The following RAB26 variants were observed in gnomAD, a reference collection of about 807,000 sequenced individuals.
The protein encoded by RAB26 is ras-related protein Rab-26.
A neutral mutation model predicts 33.1 loss-of-function variants in RAB26; 39 were observed. The ratio of observed to expected loss-of-function variants is 1.18; its 90% CI spans 0.91 to 1.54. The LOEUF is 1.54. Ranked by LOEUF, RAB26 falls within the 40% of genes most tolerant of loss-of-function variation. The pLI, the probability that RAB26 is intolerant of heterozygous loss-of-function variation, is 0.00. For missense variants in RAB26, 468 were observed against 362.9 expected (o/e 1.29, Z -2.35); for synonymous variants, 192 against 151.9 (o/e 1.26, Z -1.94).
intron 4 of RAB26, 44 bp from the exon 5 acceptor site, chr16:2,151,812 G>A (rs927957784): frequency 5.0e-6 from 8 of 1,613,800 alleles, no homozygotes; most frequent in East Asian, 2.2e-5. Flanking sequence ...GAGCACCTGA[G>A]GGTGCAGGTG....
In RAB26 at chr16:2,153,741, G is replaced by A; in HGVS notation, c.*320G>A. 1.8e-6 allele frequency: 1 copy of A among 553,596 alleles called. No individual in the cohort carries two copies. The highest frequency in any genetic ancestry group is 3.4e-6 in the Non-Finnish European group (1 of 291,020). The allele number at this position is 553,596 out of a possible 1,614,324, so 34.3% of individuals were successfully genotyped here. On this transcript the variant is annotated 3_prime_UTR_variant, in exon 9 of 9. Transcript: ENST00000210187. ...TCCAGGTGAGGGAGGGCTGGGGCTG[G>A]CACCACGCACAGTGCCTAACCCTAG...
intron 1 of RAB26, among the ~76,000 whole-genome samples, chr16:2,149,219 G>T (rs1403746040): frequency 3.9e-5 from 6 of 152,074 alleles, no homozygotes; most frequent in Non-Finnish European, 8.8e-5. Flanking sequence ...GGCACAAGGG[G>T]TCCCGCGCCC....
chr16:2,148,842 T>C lies in RAB26; in HGVS notation c.59T>C (p.Leu20Pro). The C allele has an allele frequency of 8.5e-6, 12 of 1,414,252 alleles. No individual in the cohort carries two copies. Among genetic ancestry groups the C allele is most frequent in the South Asian group, 1.5e-5 (1 of 65,216 alleles). The allele number at this position is 1,414,252 out of a possible 1,614,324, so 87.6% of individuals were successfully genotyped here. A position where few individuals can be genotyped will look rare whatever the true frequency, so the allele number is the denominator to read the frequency against. The change falls in exon 1 of 9, where the codon CTG becomes CCG. Residue 20 changes from leucine (L) to proline (P), a missense_variant. Leu to Pro is a moderately conservative substitution (Grantham distance 98). Transcript: ENST00000210187. ...KGASTPAASTLPTANGARPAR... is the reference protein window; with the variant it reads ...KGASTPAASTPPTANGARPAR... ...GCCAGCACCCCCGCTGCCTCCACGC[T>C]GCCCACCGCCAACGGGGCCCGACCG...
upstream of RAB26, chr16:2,148,565 G>T (rs1344307343): frequency 1.2e-5 from 2 of 160,366 alleles, no homozygotes; most frequent in African/African-American, 4.8e-5. Flanking sequence ...CACGGCATTG[G>T]CGGCGGCGGC....
intron 2 of RAB26, among the ~76,000 whole-genome samples, chr16:2,150,279 C>A (rs970280857): frequency 2.0e-5 from 3 of 152,190 alleles, no homozygotes; most frequent in Non-Finnish European, 4.4e-5. Flanking sequence ...TTGGGGGAGG[C>A]GGACACTGTT....
chr16:2,148,648 A>AAGC lies in RAB26; in HGVS notation c.-136_-135insAGC, dbSNP rs1567238479. The AAGC allele has an allele frequency of 4.7e-5, 12 of 254,858 alleles. No individual in the cohort carries two copies. The highest frequency in any genetic ancestry group is 3.5e-4 in the African/African-American group (12 of 34,344). 15.8% of individuals were successfully genotyped at this position (254,858 alleles called of 1,614,324 possible). On this transcript the variant is annotated 5_prime_UTR_variant, in exon 1 of 9. The change abolishes an upstream ATG in the 5' untranslated region. Transcript: ENST00000210187. ...GGGCGCGAGCCGGGCGCCCGGGATG[A>AAGC]TGCCGCCGCCGCCGCCGCCGCCGCC... is the stretch of plus-strand genomic sequence containing the variant.
chr16:2,152,775 G>C, intron 5 of RAB26, 45 bp from the exon 6 acceptor site: 1 of 1,572,816 alleles, frequency 6.4e-7, no homozygotes, highest in Non-Finnish European at 8.6e-7. Context: ...GGGGCATGGG[G>C]CAAGCCATGC....
Position 2,153,346 on chromosome 16 carries a change from T to TCCCAGCGAG in RAB26, c.699_707dup (p.Ser234_Pro236dup), listed in dbSNP as rs2093013274. On this transcript the variant is annotated inframe_insertion, in exon 9 of 9. Transcript: ENST00000210187. ...AGTTGAAGCAGCGCTCCATGAAGGC[T>TCCCAGCGAG]CCCAGCGAGCCGCGCTTCCGGCTGC... is the stretch of plus-strand genomic sequence containing the variant. The TCCCAGCGAG allele has an allele frequency of 6.2e-7, 1 of 1,613,252 alleles. No individual in the cohort carries two copies. Among genetic ancestry groups the TCCCAGCGAG allele is most frequent in the Non-Finnish European group, 8.5e-7 (1 of 1,179,974 alleles).
In RAB26 at chr16:2,153,185, G is replaced by T; in HGVS notation, c.631G>T (p.Gly211Cys). ...CTTCATGGAGACCAGCGCCAAGACG[G>T]GCCTCAACGTGGACTTGGCCTTCAC... ...LPFMETSAKT[G>C]LNVDLAFTAI... The change falls in exon 8 of 9, where the codon GGC becomes TGC. Residue 211 changes from glycine to cysteine, a missense_variant. By Grantham distance (159) the Gly-to-Cys change is radical (BLOSUM62 -3). Coordinates refer to ENST00000210187, the MANE Select transcript of RAB26 (RefSeq NM_014353.5). 1 of 1,613,842 alleles carries T rather than the reference G, an allele frequency of 6.2e-7. No individual in the cohort carries two copies. Among genetic ancestry groups the T allele is most frequent in the Non-Finnish European group, 8.5e-7 (1 of 1,180,018 alleles).
chr16:2,148,517 C>G (rs1362472634), upstream of RAB26: 1 of 153,412 alleles, frequency 6.5e-6, no homozygotes, highest in East Asian at 1.9e-4. Flanking sequence ...CCCCACCCCC[C>G]GCCGAGCGGG....
chr16:2,153,862 AT>A lies in RAB26; in HGVS notation c.*442del. On this transcript the variant is annotated 3_prime_UTR_variant, in exon 9 of 9. Transcript: ENST00000210187. Reference sequence around the variant, plus strand: ...GGCTTCACTGCTAATCACATCGTGCATCTGTGTGTCCTGGGAGCTGCCTGCT... The same window carrying A: ...GGCTTCACTGCTAATCACATCGTGCACTGTGTGTCCTGGGAGCTGCCTGCT... The A allele has an allele frequency of 2.2e-6, 1 of 458,394 alleles. No individual in the cohort carries two copies. The highest frequency in any genetic ancestry group is 4.4e-6 in the Non-Finnish European group (1 of 228,440). The allele number at this position is 458,394 out of a possible 1,614,324, so 28.4% of individuals were successfully genotyped here. A position where few individuals can be genotyped will look rare whatever the true frequency, so the allele number is the denominator to read the frequency against.
In RAB26 at chr16:2,148,859, G is replaced by A; in HGVS notation, c.76G>A (p.Ala26Thr). The change falls in exon 1 of 9, where the codon GCC becomes ACC. Residue 26 changes from alanine to threonine, a missense_variant. By Grantham distance (58) the Ala-to-Thr change is moderately conservative. Coordinates refer to ENST00000210187, the MANE Select transcript of RAB26 (RefSeq NM_014353.5). ...CTCCACGCTGCCCACCGCCAACGGG[G>A]CCCGACCGGCGCGCTCCGGGACTGC... ...AASTLPTANG[A>T]RPARSGTALS... is the part of the protein sequence containing the mutation. The A allele has an allele frequency of 7.1e-7, 1 of 1,406,886 alleles. No homozygotes were observed. Among genetic ancestry groups the A allele is most frequent in the Non-Finnish European group, 9.3e-7 (1 of 1,078,450 alleles). The allele number at this position is 1,406,886 out of a possible 1,614,324, so 87.2% of individuals were successfully genotyped here. A position where few individuals can be genotyped will look rare whatever the true frequency, so the allele number is the denominator to read the frequency against.
Position 2,153,805 on chromosome 16 carries a change from A to G in RAB26, c.*384A>G, listed in dbSNP as rs1319058758. The G allele has an allele frequency of 4.3e-6, 2 of 469,972 alleles. No homozygotes were observed. Among genetic ancestry groups the G allele is most frequent in the African/African-American group, 3.9e-5 (2 of 50,838 alleles). The allele number at this position is 469,972 out of a possible 1,614,324, so 29.1% of individuals were successfully genotyped here. A position where few individuals can be genotyped will look rare whatever the true frequency, so the allele number is the denominator to read the frequency against. On this transcript the variant is annotated 3_prime_UTR_variant, in exon 9 of 9. Transcript: ENST00000210187. Reference sequence around the variant, plus strand: ...TCAGCCGCACATGCTCAGGCAGCTAAGGGAGGACGCCTGCCCACGCCTGGG... The same window carrying G: ...TCAGCCGCACATGCTCAGGCAGCTAGGGGAGGACGCCTGCCCACGCCTGGG...
intron 5 of RAB26, among the ~76,000 whole-genome samples, 166 bp from the exon 6 acceptor site, chr16:2,152,654 T>C (rs1036593547): frequency 3.6e-5 from 5 of 140,794 alleles, no homozygotes; most frequent in African/African-American, 1.1e-4. Flanking sequence ...GATGGAGCCA[T>C]TGCACTCCAG....
In RAB26 at chr16:2,151,862, T is replaced by A. The variant is rs2093006146; in HGVS notation, c.422T>A (p.Leu141Gln). 1 of 1,614,040 alleles carries A rather than the reference T, an allele frequency of 6.2e-7. No homozygotes were observed. The highest frequency in any genetic ancestry group is 1.3e-5 in the African/African-American group (1 of 74,950). Residue 141 changes from leucine (L) to glutamine (Q), a missense_variant, in exon 5 of 9, where the codon CTG becomes CAG. Physicochemically the swap from Leu to Gln is moderately radical, Grantham distance 113. Coordinates refer to ENST00000210187, the MANE Select transcript of RAB26 (RefSeq NM_014353.5). ...CACTGCCCTCTGTCCCCAGCTCTGC[T>A]GCTGCTCTACGATGTCACCAACAAG... ...HAYYRDAHALLLLYDVTNKAS... is the reference protein window; with the variant it reads ...HAYYRDAHALQLLYDVTNKAS...
chr16:2,149,538 G>A (rs1019302619), intron 1 of RAB26, among the ~76,000 whole-genome samples: 7 of 152,024 alleles, frequency 4.6e-5, no homozygotes, highest in African/African-American at 1.4e-4. Context: ...ATCCTAATGG[G>A]GCAAATTCCT....
In RAB26 at chr16:2,152,831, C is replaced by A. The variant is rs556712776; in HGVS notation, c.480C>A (p.Thr160=). Residue 160 remains threonine, a synonymous_variant, in exon 6 of 9, where the codon ACC becomes ACA. Coordinates refer to ENST00000210187, the MANE Select transcript of RAB26 (RefSeq NM_014353.5). ...ASFDNIQAWL[T]EIHEYAQHDV... is the part of the protein sequence containing the mutation. ...GCTGCCTCCCACAGGCCTGGCTGACCGAGATCCACGAGTACGCCCAGCACG... is the reference window on the plus strand; with the variant it reads ...GCTGCCTCCCACAGGCCTGGCTGACAGAGATCCACGAGTACGCCCAGCACG... 4 of 1,606,442 alleles carry A rather than the reference C, an allele frequency of 2.5e-6. No individual in the cohort carries two copies. In the South Asian group the frequency reaches 3.3e-5, roughly 13 times the overall value.
intron 2 of RAB26, 82 bp from the exon 3 acceptor site, chr16:2,151,486 AG>A (rs1435700410): frequency 1.9e-6 from 3 of 1,596,782 alleles, no homozygotes; most frequent in Non-Finnish European, 2.6e-6. Flanking sequence ...GGGAGGTCTC[AG>A]GGGACAGGAA....
chr16:2,150,838 C>T (rs1340648472), intron 2 of RAB26, among the ~76,000 whole-genome samples: 3 of 152,194 alleles, frequency 2.0e-5, no homozygotes, highest in African/African-American at 4.8e-5. Context: ...TGCCTGGTTC[C>T]CGGGAGACCC....
Sources: allele counts gnomAD v4.1 joint callset (sites outside exome capture counted in the v4.1 genomes callset), GRCh38; gene constraint gnomAD v4.1.1; transcripts MANE v1.5; gene names NCBI Gene and HGNC (gene_info 2026-07-23, HGNC 2026-07-21).